The following SELE variants were observed in gnomAD, a reference collection of about 807,000 sequenced individuals.
SELE encodes the protein E-selectin.
A neutral mutation model predicts 75.8 loss-of-function variants in SELE; 52 were observed. The ratio of observed to expected loss-of-function variants is 0.69; its 90% CI spans 0.55 to 0.86. The LOEUF (loss-of-function observed/expected upper bound fraction) is 0.86, where lower values mean the gene tolerates loss of function less well. Among genes scored for constraint, SELE ranks in the 40% least tolerant of loss-of-function variants. The pLI, the probability that SELE is intolerant of heterozygous loss-of-function variation, is 0.00. For synonymous variants in SELE, 285 were observed against 258.7 expected (o/e 1.10, Z -0.98); for missense variants, 754 against 732.7 (o/e 1.03, Z -0.34).
chr1:169,731,929 A>G lies in SELE; in HGVS notation c.435T>C (p.Asn145=), dbSNP rs1406227838. ...ATTCACCGTGGCCACTGCAGGATGT[A>G]TTGGTACAGGCAGCTACGGAAAATA... ...LALCYTAACT[N]TSCSGHGECV... is the part of the protein sequence containing the mutation. The change falls in exon 4 of 14, where the codon AAT becomes AAC. Residue 145 remains asparagine, a synonymous_variant. Transcript: ENST00000333360. The G allele has an allele frequency of 1.2e-6, 2 of 1,612,152 alleles. 1 individual carries two copies. The highest frequency in any genetic ancestry group is 3.3e-5 in the Admixed American group (2 of 60,010).
Position 169,729,092 on chromosome 1 carries a change from ATAGT to A in SELE, c.1090+90_1090+93del, listed in dbSNP as rs2101991720. On this transcript the variant is annotated intron_variant, in intron 7 of 13. Coordinates refer to ENST00000333360, the MANE Select transcript of SELE (RefSeq NM_000450.2). ...GGGTTGCTCATCAAATCTGATTTCT[ATAGT>A]TAAAGTGGGTATTGGTTTTTTTTTT... 3 of 1,106,864 alleles carry A rather than the reference ATAGT, an allele frequency of 2.7e-6. No individual in the cohort carries two copies. The East Asian group carries it at 7.4e-5, about 27-fold the overall frequency. 68.6% of individuals were successfully genotyped at this position (1,106,864 alleles called of 1,614,324 possible).
In SELE at chr1:169,723,814, A is replaced by G. The variant is rs930853397; in HGVS notation, c.*711T>C. The G allele has an allele frequency of 6.6e-6, 1 of 152,242 alleles. No individual in the cohort carries two copies. The highest frequency in any genetic ancestry group is 6.5e-5 in the Admixed American group (1 of 15,288). 9.4% of individuals were successfully genotyped at this position (152,242 alleles called of 1,614,324 possible). ...GCATTTACAAGTTTTTTAAGTCCCT[A>G]CCACACTTGTATTGAATGAAGAAGT... On this transcript the variant is annotated 3_prime_UTR_variant, in exon 14 of 14. Transcript: ENST00000333360.
chr1:169,727,333 T>C lies in SELE; in HGVS notation c.1645+16A>G, dbSNP rs891789362. The C allele has an allele frequency of 4.4e-6, 7 of 1,599,698 alleles. No homozygotes were observed. In the Admixed American group the frequency reaches 1.0e-4, roughly 24 times the overall value. The stretch of plus-strand genomic sequence containing the variant: ...CTTTTTAATCACCAGACAACCACCA[T>C]CAATCAATGCATCACCTTCACAGGT... On this transcript the variant is annotated intron_variant, in intron 10 of 13. Transcript: ENST00000333360.
chr1:169,728,254 A>G lies in SELE; in HGVS notation c.1091-8T>C, dbSNP rs754186683. On this transcript the variant is annotated splice_polypyrimidine_tract_variant and splice_region_variant and intron_variant, in intron 7 of 13. Coordinates refer to ENST00000333360, the MANE Select transcript of SELE (RefSeq NM_000450.2). ...AGGCTGTGCACTGGAAAGCTGAGAC[A>G]TCAAAATGATGGTCAGAAAATATTG... The G allele has an allele frequency of 6.2e-7, 1 of 1,612,136 alleles. No homozygotes were observed. The highest frequency in any genetic ancestry group is 8.5e-7 in the Non-Finnish European group (1 of 1,179,240).
chr1:169,726,626 G>A lies in SELE; in HGVS notation c.1753+73C>T. 2.9e-6 allele frequency: 3 copies of A among 1,023,786 alleles called. No individual in the cohort carries two copies. The South Asian group carries it at 4.1e-5, about 14-fold the overall frequency. 63.4% of individuals were successfully genotyped at this position (1,023,786 alleles called of 1,614,324 possible). On this transcript the variant is annotated intron_variant, in intron 11 of 13. Coordinates refer to ENST00000333360, the MANE Select transcript of SELE (RefSeq NM_000450.2). ...AATTATTGTTTAAATCAGTAAGCAA[G>A]ACCATGACTTATCAATGAGAAAGAA...
intron 2 of SELE, among the ~76,000 whole-genome samples, chr1:169,733,277 G>A (rs1456385028): frequency 6.6e-6 from 1 of 152,046 alleles, no homozygotes; most frequent in Non-Finnish European, 1.5e-5. Context: ...AAGCTTTATT[G>A]AGCACTTAGT....
intron 5 of SELE, 90 bp from the exon 6 acceptor site, chr1:169,729,763 G>A: frequency 8.1e-7 from 1 of 1,237,256 alleles, no homozygotes; most frequent in Non-Finnish European, 1.1e-6. Flanking sequence ...TGAGGAAGCT[G>A]CCTTCAAAGG....
intron 13 of SELE, 105 bp from the exon 14 acceptor site, chr1:169,724,614 A>G (rs535258605): frequency 6.6e-6 from 1 of 152,360 alleles, no homozygotes; most frequent in Admixed American, 6.5e-5. Context: ...AGGATAGACC[A>G]TGTAGGAACA....
chr1:169,725,370 G>A (rs1389024364), intron 13 of SELE, among the ~76,000 whole-genome samples: 2 of 149,032 alleles, frequency 1.3e-5, no homozygotes, highest in Non-Finnish European at 3.0e-5. Flanking sequence ...GCAACAGAAT[G>A]AGACTCCATC....
At chr1:169,729,780 C>T (rs2076059) in intron 5 of SELE, 107 bp from the exon 6 acceptor site, 364,912 of 972,372 alleles carry the variant, frequency 0.38, 71,265 homozygotes, top group Middle Eastern at 0.47. Flanking sequence ...AAGGGTAGAT[C>T]CCAAAGTCCT....
chr1:169,733,004 G>A lies in SELE; in HGVS notation c.38-6C>T. 2 of 1,549,758 alleles carry A rather than the reference G, an allele frequency of 1.3e-6. No individual in the cohort carries two copies. Among genetic ancestry groups the A allele is most frequent in the South Asian group, 2.5e-5 (2 of 80,474 alleles). ...ACTCTCTTTAATGAGAAGCACTAGT[G>A]GGAGAAAAAGAAAAGAAATGGTAGA... On this transcript the variant is annotated splice_polypyrimidine_tract_variant and splice_region_variant and intron_variant, in intron 2 of 13. Coordinates refer to ENST00000333360, the MANE Select transcript of SELE (RefSeq NM_000450.2).
In SELE at chr1:169,727,324, C is replaced by T. The variant is rs758780042; in HGVS notation, c.1645+25G>A. 3 of 1,590,700 alleles carry T rather than the reference C, an allele frequency of 1.9e-6. No individual in the cohort carries two copies. In the Admixed American group the frequency reaches 5.3e-5, roughly 28 times the overall value. On this transcript the variant is annotated intron_variant, in intron 10 of 13. Transcript: ENST00000333360. ...CCCCTTTTTCTTTTTAATCACCAGA[C>T]AACCACCATCAATCAATGCATCACC...
chr1:169,730,654 C>T (rs758748136), intron 4 of SELE, 37 bp from the exon 5 acceptor site: 24 of 1,375,488 alleles, frequency 1.7e-5, no homozygotes, highest in Non-Finnish European at 2.3e-5. Context: ...GCTCATCTCT[C>T]ACCTTTAACA....
At chr1:169,726,578 A>C in intron 11 of SELE, 121 bp downstream of exon 11, 2 of 743,136 alleles carry the variant, frequency 2.7e-6, no homozygotes, top group Non-Finnish European at 4.7e-6. Flanking sequence ...CTGCTTAATT[A>C]TACTGCATTT....
chr1:169,728,287 A>C (rs748668295), intron 7 of SELE, 41 bp from the exon 8 acceptor site: 3 of 1,592,078 alleles, frequency 1.9e-6, no homozygotes, highest in Admixed American at 1.7e-5. Flanking sequence ...TTGCAGTGGA[A>C]CTAGAGAGTA....
intron 13 of SELE, 91 bp downstream of exon 13, chr1:169,725,637 TA>T: frequency 9.6e-7 from 1 of 1,044,036 alleles, no homozygotes; most frequent in Non-Finnish European, 1.5e-6. Context: ...GCTCCCTCCC[TA>T]AGATATTGGC....
Position 169,730,431 on chromosome 1 carries a change from C to A in SELE, c.715+1G>T. ...TTCTGTGCATTCTCAGAGGGATTTA[C>A]CATTGCAGGCTGGAATAGGAGCACT... On this transcript the variant is annotated splice_donor_variant, in intron 5 of 13. Coordinates refer to ENST00000333360, the MANE Select transcript of SELE (RefSeq NM_000450.2). LOFTEE classifies it high-confidence loss of function. 6.3e-7 allele frequency: 1 copy of A among 1,584,112 alleles called. No individual in the cohort carries two copies. The highest frequency in any genetic ancestry group is 8.6e-7 in the Non-Finnish European group (1 of 1,160,658).
chr1:169,729,217 C>T lies in SELE; in HGVS notation c.1059G>A (p.Gly353=), dbSNP rs371202655. 7.6e-5 allele frequency: 122 copies of T among 1,613,478 alleles called. No homozygotes were observed. Among genetic ancestry groups the T allele is most frequent in the Non-Finnish European group, 9.0e-5 (106 of 1,179,758 alleles). The change falls in exon 7 of 14, where the codon GGG becomes GGA. Residue 353 remains glycine, a synonymous_variant. Transcript: ENST00000333360. ...GPAQVECTTQ[G]QWTQQIPVCE... ...AAACTGGGATTTGCTGTGTCCACTG[C>T]CCTTGAGTGGTGCATTCAACCTGGG...
At chr1:169,727,148 T>C (rs1168528885) in intron 10 of SELE, among the ~76,000 whole-genome samples, 6 of 152,234 alleles carry the variant, frequency 3.9e-5, no homozygotes, top group African/African-American at 9.6e-5. Flanking sequence ...CTGTCTCCTT[T>C]TTCCAGTTGT....
Sources: gnomAD v4.1 joint callset for allele counts (sites outside exome capture counted in the v4.1 genomes callset) on GRCh38, gnomAD v4.1.1 for gene constraint, MANE v1.5 for transcripts, NCBI Gene and HGNC (gene_info 2026-07-23, HGNC 2026-07-21) for gene names.